The following MPPED2 variants were observed in gnomAD, a reference collection of about 807,000 sequenced individuals.
MPPED2 encodes the protein metallophosphoesterase domain containing 2.
Under a neutral mutation model 33.0 loss-of-function variants are expected in MPPED2, and 5 were observed. The observed-to-expected ratio is 0.15, with a 90% CI of 0.08 to 0.32. MPPED2 has a LOEUF of 0.32. Ranked by LOEUF, MPPED2 falls within the 10% of genes least tolerant of loss-of-function variation. The pLI, the probability that MPPED2 is intolerant of heterozygous loss-of-function variation, is 1.00. For missense variants in MPPED2, 275 were observed against 372.1 expected (o/e 0.74, Z 2.15); for synonymous variants, 136 against 141.9 (o/e 0.96, Z 0.29).
chr11:30,546,605 G>T (rs1565172558), intron 2 of MPPED2, among the ~76,000 whole-genome samples: 1 of 152,070 alleles, frequency 6.6e-6, no homozygotes, highest in Non-Finnish European at 1.5e-5. Context: ...ATGGCTAATG[G>T]GCCTTCTTTA....
chr11:30,510,603 C>T (rs1953115323), intron 3 of MPPED2, among the ~76,000 whole-genome samples: 1 of 152,160 alleles, frequency 6.6e-6, no homozygotes, highest in African/African-American at 2.4e-5. Context: ...AACATGCCAG[C>T]TTTTGTTTTT....
intron 2 of MPPED2, among the ~76,000 whole-genome samples, chr11:30,568,643 A>C (rs1956555502): frequency 6.6e-6 from 1 of 152,200 alleles, no homozygotes; most frequent in African/African-American, 2.4e-5. Flanking sequence ...TGTATTAATA[A>C]TCTTTAAAAA....
At chr11:30,494,737 CAAAAAAAAAAAA>C (rs767500886) in intron 4 of MPPED2, among the ~76,000 whole-genome samples, 4 of 47,624 alleles carry the variant, frequency 8.4e-5, no homozygotes, top group Admixed American at 3.1e-4. Context: ...TACTCCACCT[CAAAAAAAAAAAA>C]AAAAAAAAAA....
At chr11:30,556,776 C>T (rs900747698) in intron 2 of MPPED2, among the ~76,000 whole-genome samples, 3 of 152,124 alleles carry the variant, frequency 2.0e-5, no homozygotes, top group African/African-American at 7.2e-5. Context: ...AAATGGTAGC[C>T]ATATTATTTA....
At chr11:30,558,494 C>A (rs746572696) in intron 2 of MPPED2, among the ~76,000 whole-genome samples, 18 of 151,894 alleles carry the variant, frequency 1.2e-4, no homozygotes, top group Non-Finnish European at 5.9e-5. Flanking sequence ...CAGCTCACTG[C>A]AGCTCTGGCC....
At chr11:30,426,015 T>C (rs1303813149) in intron 4 of MPPED2, among the ~76,000 whole-genome samples, 1 of 152,254 alleles carries the variant, frequency 6.6e-6, no homozygotes, top group Non-Finnish European at 1.5e-5. Flanking sequence ...TTTTAAGCTA[T>C]AATTCAGTAG....
At chr11:30,437,380 G>A (rs1365589117) in intron 4 of MPPED2, among the ~76,000 whole-genome samples, 1 of 152,212 alleles carries the variant, frequency 6.6e-6, no homozygotes, top group Non-Finnish European at 1.5e-5. Flanking sequence ...CTGGGAGACA[G>A]ATTTCCTTGT....
intron 4 of MPPED2, among the ~76,000 whole-genome samples, chr11:30,475,399 C>T (rs953359184): frequency 6.6e-6 from 1 of 152,046 alleles, no homozygotes; most frequent in African/African-American, 2.4e-5. Flanking sequence ...AATTAAGATA[C>T]CAATCATTTT....
intron 4 of MPPED2, among the ~76,000 whole-genome samples, chr11:30,478,818 T>G (rs1405164564): frequency 1.3e-5 from 2 of 152,122 alleles, no homozygotes; most frequent in African/African-American, 4.8e-5. Flanking sequence ...ACACCTTAAA[T>G]AACGTTGTCG....
intron 3 of MPPED2, among the ~76,000 whole-genome samples, chr11:30,503,419 C>T (rs1952660532): frequency 6.6e-6 from 1 of 152,188 alleles, no homozygotes; most frequent in Non-Finnish European, 1.5e-5. Context: ...GCCTCATACT[C>T]TTCATTCCCC....
chr11:30,386,954 G>T (rs16925538), exon 7 of MPPED2: 17 of 390,626 alleles, frequency 4.4e-5, no homozygotes, highest in South Asian at 1.4e-4. Flanking sequence ...CCACAGTCCC[G>T]CAAAGTAAGC....
intron 6 of MPPED2, among the ~76,000 whole-genome samples, chr11:30,394,453 T>A (rs953033359): frequency 1.3e-5 from 2 of 152,190 alleles, no homozygotes; most frequent in Admixed American, 1.3e-4. Context: ...GGCTTTTTTT[T>A]AAATGGCCAT....
chr11:30,517,257 A>C (rs1239838928), intron 3 of MPPED2, among the ~76,000 whole-genome samples: 1 of 152,114 alleles, frequency 6.6e-6, no homozygotes, highest in Non-Finnish European at 1.5e-5. Context: ...GTTACTGCTG[A>C]CTGGGAAGGC....
At position 30,536,222 on chromosome 11, in the gene MPPED2, C is replaced by G. The variant is rs773156457; in HGVS notation, c.129-47G>C. The G allele has an allele frequency of 4.9e-6, 7 of 1,433,514 alleles. No homozygotes were observed. The Admixed American group carries it at 1.5e-4, about 31-fold the overall frequency. 88.8% of individuals were successfully genotyped at this position (1,433,514 alleles called of 1,614,324 possible). A position where few individuals can be genotyped will look rare whatever the true frequency, so the allele number is the denominator to read the frequency against. The stretch of plus-strand genomic sequence containing the variant: ...CCATAACAGTTAAACATATTAGAAC[C>G]CTTGAAATTGTCGTCGCACATACAT... On this transcript the variant is annotated intron_variant, in intron 2 of 6. Coordinates refer to ENST00000358117, the MANE Select transcript of MPPED2 (RefSeq NM_001584.3).
chr11:30,519,791 T>C (rs1190891353), intron 3 of MPPED2, among the ~76,000 whole-genome samples: 1 of 152,098 alleles, frequency 6.6e-6, no homozygotes, highest in Non-Finnish European at 1.5e-5. Flanking sequence ...ACCATCACCA[T>C]CACCACCACT....
At chr11:30,470,034 C>A (rs978505157) in intron 4 of MPPED2, among the ~76,000 whole-genome samples, 2 of 152,192 alleles carry the variant, frequency 1.3e-5, no homozygotes, top group South Asian at 4.1e-4. Context: ...AGTGGTTGTA[C>A]AAGTGCTTGG....
At chr11:30,513,101 AC>A (rs1440008713) in intron 3 of MPPED2, among the ~76,000 whole-genome samples, 5 of 152,116 alleles carry the variant, frequency 3.3e-5, no homozygotes, top group African/African-American at 4.8e-5. Flanking sequence ...TTAAAAAAAA[AC>A]ATATTCTTCC....
chr11:30,424,236 A>G (rs1184756884), intron 4 of MPPED2, among the ~76,000 whole-genome samples: 1 of 152,168 alleles, frequency 6.6e-6, no homozygotes, highest in Non-Finnish European at 1.5e-5. Flanking sequence ...ATAGGGGGTG[A>G]AGAGAGGTTC....
chr11:30,443,226 C>T (rs1840552910), intron 4 of MPPED2, among the ~76,000 whole-genome samples: 1 of 152,104 alleles, frequency 6.6e-6, no homozygotes, highest in African/African-American at 2.4e-5. Flanking sequence ...AGATCGTAAA[C>T]ATAATAGCAG....
Sources: allele counts gnomAD v4.1 joint callset (sites outside exome capture counted in the v4.1 genomes callset), GRCh38; gene constraint gnomAD v4.1.1; transcripts MANE v1.5; gene names NCBI Gene and HGNC (gene_info 2026-07-23, HGNC 2026-07-21).